Variants in PPL observed in about 807,000 individuals in gnomAD.
PPL encodes the protein 190 kDa paraneoplastic pemphigus antigen.
A neutral mutation model predicts 194.4 loss-of-function variants in PPL; 198 were observed. The observed-to-expected ratio is 1.02, with a 90% CI of 0.91 to 1.15. PPL has a LOEUF of 1.15. Among genes scored for constraint, PPL ranks in the 50% most tolerant of loss-of-function variants. The pLI, the probability that PPL is intolerant of heterozygous loss-of-function variation, is 0.00. For missense variants in PPL, 2,885 were observed against 2,294.8 expected, an observed-to-expected ratio of 1.26 and a Z score of -5.25; for synonymous variants, 1,220 against 972.4, an observed-to-expected ratio of 1.25 and a Z score of -4.74.
chr16:4,919,368 T>C (rs1324408452), intron 1 of PPL, among the ~76,000 whole-genome samples: 2 of 152,244 alleles, frequency 1.3e-5, no homozygotes, highest in African/African-American at 2.4e-5. Flanking sequence ...ACCAGCAATG[T>C]GACCCTGTGA....
At chr16:4,913,457 T>C (rs12444913) in intron 1 of PPL, among the ~76,000 whole-genome samples, 106,142 of 152,082 alleles carry the variant, frequency 0.7, 39,956 homozygotes, top group Non-Finnish European at 0.83. Flanking sequence ...ACCAAAGGAC[T>C]GTGCATAGAG....
rs13333647 is a variant in PPL, at chr16:4,903,841, T to C, written c.317+45A>G. ...GAACAGGACCCCCCGCCCTGGCCCATAGCCCCCAATGGCTCCCCTGGGGTA... is the reference window on the plus strand; with the variant it reads ...GAACAGGACCCCCCGCCCTGGCCCACAGCCCCCAATGGCTCCCCTGGGGTA... On this transcript the variant is annotated intron_variant, in intron 3 of 21. Transcript: ENST00000345988. 2,568 of 1,605,208 alleles carry C rather than the reference T, an allele frequency of 1.6e-3. 21 individuals are homozygous for C. In the African/African-American group the frequency reaches 0.022, roughly 14 times the overall value.
chr16:4,897,161 C>T (rs1260913474), intron 9 of PPL, among the ~76,000 whole-genome samples: 1 of 150,960 alleles, frequency 6.6e-6, no homozygotes, highest in Non-Finnish European at 1.5e-5. Context: ...ATGGCGAAAC[C>T]CCATCTTTAC....
rs1249785869 is a variant in PPL at position 4,937,093 on chromosome 16, A to C, written c.-48T>G. ...GCGGCGGCTGGCGGGCCGGGCGCGC[A>C]CCGAGGGGCGGGCGGGAGCGCAGGT... On this transcript the variant is annotated 5_prime_UTR_variant, in exon 1 of 22. Coordinates refer to ENST00000345988, the MANE Select transcript of PPL (RefSeq NM_002705.5). 1.8e-5 allele frequency: 22 copies of C among 1,213,284 alleles called. No individual in the cohort carries two copies. Among genetic ancestry groups the C allele is most frequent in the Non-Finnish European group, 2.2e-5 (21 of 970,460 alleles). 75.2% of individuals were successfully genotyped at this position (1,213,284 alleles called of 1,614,324 possible).
chr16:4,900,721 T>C, intron 6 of PPL, 109 bp downstream of exon 6: 1 of 1,476,694 alleles, frequency 6.8e-7, no homozygotes. Flanking sequence ...TGAGCCACCA[T>C]GCCCAGCTGC....
chr16:4,918,905 G>A (rs1263776134), intron 1 of PPL, among the ~76,000 whole-genome samples: 3 of 152,156 alleles, frequency 2.0e-5, no homozygotes, highest in African/African-American at 7.2e-5. Flanking sequence ...GGCTAGGCTG[G>A]TCCAGCTTTT....
chr16:4,909,529 C>A (rs1489415904), intron 2 of PPL, among the ~76,000 whole-genome samples: 2 of 150,632 alleles, frequency 1.3e-5, no homozygotes, highest in Admixed American at 6.6e-5. Flanking sequence ...CGGGTTCAAG[C>A]GATTCTCCTG....
At chr16:4,925,219 C>G (rs2089134622) in intron 1 of PPL, among the ~76,000 whole-genome samples, 1 of 152,252 alleles carries the variant, frequency 6.6e-6, no homozygotes, top group Admixed American at 6.5e-5. Flanking sequence ...TCATCCTCTT[C>G]TGGCGTCCTG....
intron 1 of PPL, among the ~76,000 whole-genome samples, chr16:4,936,624 A>AC (rs1441158331): frequency 1.3e-5 from 2 of 152,164 alleles, no homozygotes; most frequent in East Asian, 3.9e-4. Context: ...CATCCAGGTG[A>AC]CTATTCCCGG....
intron 9 of PPL, among the ~76,000 whole-genome samples, chr16:4,897,116 C>A (rs1449999888): frequency 6.6e-6 from 1 of 151,608 alleles, no homozygotes; most frequent in Non-Finnish European, 1.5e-5. Context: ...GGGAGGATCA[C>A]CTGAGGTCAG....
chr16:4,911,954 C>T (rs1227562541), intron 1 of PPL, among the ~76,000 whole-genome samples: 1 of 152,146 alleles, frequency 6.6e-6, no homozygotes, highest in African/African-American at 2.4e-5. Flanking sequence ...CTCCTACCTC[C>T]ACCTCCTGAG....
intron 2 of PPL, among the ~76,000 whole-genome samples, chr16:4,905,167 C>T (rs974528845): frequency 1.3e-5 from 2 of 152,122 alleles, no homozygotes; most frequent in African/African-American, 4.8e-5. Flanking sequence ...GCCGCCGGTC[C>T]CTTCCCCTAG....
Position 4,884,801 on chromosome 16 carries a change from T to C in PPL, c.3854A>G (p.Gln1285Arg), listed in dbSNP as rs773705350. The C allele has an allele frequency of 6.2e-7, 1 of 1,614,006 alleles. No individual in the cohort carries two copies. The highest frequency in any genetic ancestry group is 8.5e-7 in the Non-Finnish European group (1 of 1,180,040). Reference sequence around the variant, plus strand: ...CTGGACCACCTCTTTGGTCTGGACCTGGGGTTTGGTGTCTTTCAGGGCCTG... The same window carrying C: ...CTGGACCACCTCTTTGGTCTGGACCCGGGGTTTGGTGTCTTTCAGGGCCTG... ...EIQALKDTKP[Q>R]VQTKEVVQEI... is the part of the protein sequence containing the mutation. Residue 1285 changes from glutamine to arginine, a missense_variant, in exon 22 of 22, where the codon CAG (glutamine) becomes CGG (arginine). Coordinates refer to ENST00000345988, the MANE Select transcript of PPL (RefSeq NM_002705.5). The surrounding 1 kb of genome is among the most constrained non-coding windows in gnomAD (Gnocchi z 5.7).
At chr16:4,894,649 C>T (rs2088385787) in intron 11 of PPL, 31 bp from the exon 12 acceptor site, 2 of 1,604,408 alleles carry the variant, frequency 1.2e-6, no homozygotes, top group Non-Finnish European at 1.7e-6. Flanking sequence ...AGTCAGGATC[C>T]CGGCAGGGCC....
chr16:4,901,337 GAC>G (rs1345219703), intron 4 of PPL, among the ~76,000 whole-genome samples: 1 of 152,154 alleles, frequency 6.6e-6, no homozygotes, highest in Admixed American at 6.5e-5. Flanking sequence ...CTCAGATGAG[GAC>G]ACAGAGGCTG....
At chr16:4,930,468 G>T (rs900311261) in intron 1 of PPL, among the ~76,000 whole-genome samples, 1 of 152,208 alleles carries the variant, frequency 6.6e-6, no homozygotes, top group Non-Finnish European at 1.5e-5. Context: ...TGAAGCGCAG[G>T]GCAATGTATG....
rs777259581 is a variant in PPL, at chr16:4,899,242, C to G, written c.749G>C (p.Ser250Thr). 4.3e-6 allele frequency: 7 copies of G among 1,613,806 alleles called. No individual in the cohort carries two copies. The highest frequency in any genetic ancestry group is 5.9e-6 in the Non-Finnish European group (7 of 1,179,974). ...DWSDRNLDYPSRRRQYENFIN... is the reference protein window; with the variant it reads ...DWSDRNLDYPTRRRQYENFIN... ...ACCCACCTCATACTGGCGCCGGCGGCTGGGGTAGTCGAGGTTGCGGTCACT... is the reference window on the plus strand; with the variant it reads ...ACCCACCTCATACTGGCGCCGGCGGGTGGGGTAGTCGAGGTTGCGGTCACT... Residue 250 changes from serine to threonine, a missense_variant, in exon 7 of 22, where the codon AGC becomes ACC. Coordinates refer to ENST00000345988, the MANE Select transcript of PPL (RefSeq NM_002705.5).
intron 17 of PPL, 74 bp downstream of exon 17, chr16:4,890,654 C>T: frequency 6.7e-7 from 1 of 1,482,160 alleles, no homozygotes; most frequent in Non-Finnish European, 9.0e-7. Flanking sequence ...TGGGACACGG[C>T]TAAAGCATTG....
At chr16:4,900,892 A>T (rs747286429) in intron 5 of PPL, 21 bp from the exon 6 acceptor site, 1 of 1,614,086 alleles carries the variant, frequency 6.2e-7, no homozygotes. Context: ...AGCCGAGGGC[A>T]TGGGTCAGGG....
Sources: allele counts gnomAD v4.1 joint callset (sites outside exome capture counted in the v4.1 genomes callset), GRCh38; gene constraint gnomAD v4.1.1; non-coding constraint Gnocchi (gnomAD v3.1); transcripts MANE v1.5; gene names NCBI Gene and HGNC (gene_info 2026-07-23, HGNC 2026-07-21).